Variants in TMEM116 observed in about 807,000 individuals in gnomAD.
TMEM116 encodes the protein transmembrane protein 116.
Under a neutral mutation model 44.3 loss-of-function variants are expected in TMEM116, and 38 were observed. The ratio of observed to expected loss-of-function variants is 0.86; its 90% CI spans 0.66 to 1.12. The LOEUF (loss-of-function observed/expected upper bound fraction) is 1.12, where lower values mean the gene tolerates loss of function less well. Ranked by LOEUF, TMEM116 falls within the 50% of genes most tolerant of loss-of-function variation. TMEM116 has a pLI of 0.00. For synonymous variants in TMEM116, 132 were observed against 144.8 expected (o/e 0.91, Z 0.64); for missense variants, 354 against 401.7 (o/e 0.88, Z 1.01).
At chr12:111,957,588 C>T (rs1330903498) in intron 4 of TMEM116, among the ~76,000 whole-genome samples, 1 of 151,338 alleles carries the variant, frequency 6.6e-6, no homozygotes, top group South Asian at 2.1e-4. Context: ...GGGGCCAGCC[C>T]CCGCCCGGCC....
At chr12:111,994,651 AGT>A (rs2136650812) in intron 3 of TMEM116, among the ~76,000 whole-genome samples, 1 of 152,338 alleles carries the variant, frequency 6.6e-6, no homozygotes, top group East Asian at 1.9e-4. Context: ...TTTACAACAT[AGT>A]GTGTGTGTCA....
At chr12:111,983,796 G>T (rs150177151) in intron 4 of TMEM116, among the ~76,000 whole-genome samples, 1 of 151,908 alleles carries the variant, frequency 6.6e-6, no homozygotes, top group Non-Finnish European at 1.5e-5. Flanking sequence ...CCAAAAAGTC[G>T]AATAGGATGC....
At position 112,005,320 on chromosome 12, in the gene TMEM116, A is replaced by C; in HGVS notation, c.-33-17T>G. ...AGGAAGAACCTAAGCAAAACAAGGAAAACGGAATAAAATTAAACCTTTTAC... is the reference window on the plus strand; with the variant it reads ...AGGAAGAACCTAAGCAAAACAAGGACAACGGAATAAAATTAAACCTTTTAC... On this transcript the variant is annotated splice_polypyrimidine_tract_variant and intron_variant, in intron 1 of 10. Coordinates refer to ENST00000552374, the MANE Select transcript of TMEM116 (RefSeq NM_001193531.2). 7.7e-7 allele frequency: 1 copy of C among 1,292,592 alleles called. No individual in the cohort carries two copies. Among genetic ancestry groups the C allele is most frequent in the Non-Finnish European group, 9.8e-7 (1 of 1,020,504 alleles). 80.1% of individuals were successfully genotyped at this position (1,292,592 alleles called of 1,614,324 possible).
intron 3 of TMEM116, chr12:112,000,902 G>A (rs2077217714): frequency 2.4e-6 from 1 of 418,930 alleles, no homozygotes; most frequent in Admixed American, 2.8e-5. Flanking sequence ...CAATGTTCTT[G>A]AGGAATTTCT....
chr12:111,986,156 G>A (rs2136569219), intron 4 of TMEM116, among the ~76,000 whole-genome samples: 1 of 151,636 alleles, frequency 6.6e-6, no homozygotes, highest in South Asian at 2.1e-4. Context: ...AGAGGTTTGA[G>A]ACCAGCCTGA....
At chr12:112,004,447 G>A (rs1250395266) in intron 2 of TMEM116, among the ~76,000 whole-genome samples, 1 of 150,990 alleles carries the variant, frequency 6.6e-6, no homozygotes, top group Non-Finnish European at 1.5e-5. Context: ...ACCATGCCCA[G>A]CTAATGTTTT....
chr12:111,949,974 G>C (rs2073592396), intron 4 of TMEM116, among the ~76,000 whole-genome samples: 2 of 152,228 alleles, frequency 1.3e-5, no homozygotes, highest in Middle Eastern at 6.8e-3. Flanking sequence ...AATTAGCTGG[G>C]CATGGTAGTG....
At chr12:111,983,363 G>A (rs1249122191) in intron 4 of TMEM116, among the ~76,000 whole-genome samples, 1 of 151,970 alleles carries the variant, frequency 6.6e-6, no homozygotes, top group Non-Finnish European at 1.5e-5. Flanking sequence ...TTGAGCCTGG[G>A]AGGCGGAGGC....
chr12:111,978,873 C>A, intron 4 of TMEM116: 1 of 304,782 alleles, frequency 3.3e-6, no homozygotes, highest in Non-Finnish European at 6.8e-6. Flanking sequence ...CATGCAGACA[C>A]TAATATAGTC....
At chr12:111,985,730 G>A (rs939110051) in intron 4 of TMEM116, among the ~76,000 whole-genome samples, 1 of 151,998 alleles carries the variant, frequency 6.6e-6, no homozygotes, top group Non-Finnish European at 1.5e-5. Flanking sequence ...CAGAGTAGCT[G>A]GAATTATAGG....
Position 111,986,365 on chromosome 12 carries a change from A to G in TMEM116, c.210+5393T>C, listed in dbSNP as rs546763778. On this transcript the variant is annotated intron_variant, in intron 4 of 10. Coordinates refer to ENST00000552374, the MANE Select transcript of TMEM116 (RefSeq NM_001193531.2). The stretch of plus-strand genomic sequence containing the variant: ...CAGAGCAAGACCCTGTCTCAAAAAG[A>G]AAAAAGAATAAAAAGTTGGAAGACT... Among the ~76,000 whole-genome samples the G allele has an allele frequency of 3.9e-5, 6 of 152,166 alleles. No individual in the cohort carries two copies. The South Asian group carries it at 1.3e-3, about 32-fold the overall frequency.
chr12:111,957,804 G>C (rs1019814937), intron 4 of TMEM116, among the ~76,000 whole-genome samples: 1 of 152,248 alleles, frequency 6.6e-6, no homozygotes. Flanking sequence ...AACGGGCCAT[G>C]ATGACAATGG....
Position 111,938,220 on chromosome 12 carries a change from G to T in TMEM116, c.316-10C>A. ...AAGTATAATCTATCACCTGTGAAAA[G>T]AATAAATGTGAGAAATGTCTTAAGA... On this transcript the variant is annotated splice_polypyrimidine_tract_variant and intron_variant, in intron 5 of 10. Transcript: ENST00000552374. The T allele has an allele frequency of 6.4e-7, 1 of 1,563,292 alleles. No individual in the cohort carries two copies. Among genetic ancestry groups the T allele is most frequent in the Non-Finnish European group, 8.7e-7 (1 of 1,153,902 alleles).
At chr12:112,000,086 G>A (rs1310374924) in intron 3 of TMEM116, among the ~76,000 whole-genome samples, 1 of 151,968 alleles carries the variant, frequency 6.6e-6, no homozygotes, top group Non-Finnish European at 1.5e-5. Flanking sequence ...AATAATAAAT[G>A]CATTAAAAAA....
chr12:111,965,852 C>G (rs1282155921), intron 4 of TMEM116: 1 of 222,460 alleles, frequency 4.5e-6, no homozygotes, highest in African/African-American at 2.4e-5. Context: ...AGGAAACTCA[C>G]TTGAACTTGG....
intron 4 of TMEM116, among the ~76,000 whole-genome samples, chr12:111,959,251 C>T (rs1158107016): frequency 1.3e-5 from 2 of 152,150 alleles, no homozygotes; most frequent in Non-Finnish European, 1.5e-5. Context: ...CCAAATTAAG[C>T]TTCATAAGTG....
intron 4 of TMEM116, among the ~76,000 whole-genome samples, chr12:111,971,437 CTTAAAG>C (rs1257679350): frequency 9.3e-5 from 14 of 151,298 alleles, no homozygotes; most frequent in African/African-American, 3.2e-4. Flanking sequence ...CATAATATCA[CTTAAAG>C]TTTAACTGCA....
intron 4 of TMEM116, among the ~76,000 whole-genome samples, chr12:111,944,447 T>C (rs7973309): frequency 0.2 from 29,777 of 151,750 alleles, 3,134 homozygotes; most frequent in Middle Eastern, 0.27. Context: ...ATCATGAGGT[T>C]GAGATCGAGA....
chr12:111,993,700 G>T, intron 3 of TMEM116: 1 of 622,822 alleles, frequency 1.6e-6, no homozygotes, highest in Admixed American at 2.0e-5. Flanking sequence ...TTAAGGTACT[G>T]TTGAAGCATT....
Sources: allele counts gnomAD v4.1 joint callset (sites outside exome capture counted in the v4.1 genomes callset), GRCh38; gene constraint gnomAD v4.1.1; transcripts MANE v1.5; gene names NCBI Gene and HGNC (gene_info 2026-07-23, HGNC 2026-07-21).